NPAS3: variants seen among roughly 807,000 people sequenced by gnomAD.
NPAS3 encodes the protein neuronal PAS domain-containing protein 3.
Under a neutral mutation model 73.1 loss-of-function variants are expected in NPAS3, and 14 were observed. The observed-to-expected ratio is 0.19, with a 90% CI of 0.13 to 0.30. The LOEUF (loss-of-function observed/expected upper bound fraction) is 0.30. NPAS3 is among the 10% of genes least tolerant of loss of function. The probability of loss-of-function intolerance (pLI) is 1.00; values close to 1 mark genes in which losing one functional copy is unlikely to be tolerated. For synonymous variants in NPAS3, 620 were observed against 541.5 expected (o/e 1.14, Z -2.01); for missense variants, 1,096 against 1,250.0 (o/e 0.88, Z 1.86).
intron 2 of NPAS3, among the ~76,000 whole-genome samples, chr14:33,152,083 A>C (rs1256973396): frequency 1.3e-5 from 2 of 151,962 alleles, no homozygotes; most frequent in African/African-American, 4.8e-5. Context: ...TGGTTGTCAA[A>C]AGTGTGTATA....
chr14:32,976,329 C>G (rs2037675677), intron 1 of NPAS3, among the ~76,000 whole-genome samples: 1 of 152,064 alleles, frequency 6.6e-6, no homozygotes, highest in Admixed American at 6.6e-5. Flanking sequence ...GTGAATACTC[C>G]AGGTGGTTTG....
At chr14:33,121,040 G>A (rs544114924) in intron 2 of NPAS3, among the ~76,000 whole-genome samples, 5 of 152,034 alleles carry the variant, frequency 3.3e-5, no homozygotes, top group Non-Finnish European at 7.4e-5. Flanking sequence ...TACTCAGAAT[G>A]TTTGAATCCC....
At chr14:33,346,527 CAAAAAAAAAA>C (rs33926266) in intron 3 of NPAS3, among the ~76,000 whole-genome samples, 5 of 70,942 alleles carry the variant, frequency 7.0e-5, no homozygotes, top group African/African-American at 2.6e-4. Flanking sequence ...GACCCTGTCT[CAAAAAAAAAA>C]AAAAAAAAAA....
chr14:33,618,354 AGCTTGTTT>A (rs1211741530), intron 5 of NPAS3, among the ~76,000 whole-genome samples: 1 of 152,148 alleles, frequency 6.6e-6, no homozygotes, highest in Non-Finnish European at 1.5e-5. Flanking sequence ...GGGAGCCCTC[AGCTTGTTT>A]TCTTGTAACT....
In NPAS3 at chr14:33,160,797, G is replaced by T. The variant is rs544971492; in HGVS notation, c.141-54385G>T. Among the ~76,000 whole-genome samples, 322 of 151,260 alleles carry T rather than the reference G, an allele frequency of 2.1e-3. 4 individuals carry two copies. Among genetic ancestry groups the T allele is most frequent in the African/African-American group, 7.6e-3 (311 of 41,136 alleles). On this transcript the variant is annotated intron_variant, in intron 2 of 11. Coordinates refer to ENST00000356141, the Ensembl canonical transcript of NPAS3. ...TTGGGTGAAGTCAGCGCTCAGTTTTGATTTTATCTTTGAAGTTCCGCCATG... is the reference window on the plus strand; with the variant it reads ...TTGGGTGAAGTCAGCGCTCAGTTTTTATTTTATCTTTGAAGTTCCGCCATG...
At chr14:33,177,289 G>T (rs1268816293) in intron 2 of NPAS3, among the ~76,000 whole-genome samples, 1 of 151,692 alleles carries the variant, frequency 6.6e-6, no homozygotes, top group Non-Finnish European at 1.5e-5. Flanking sequence ...GTAGAGACAG[G>T]GTTTCGCCAT....
chr14:33,423,581 G>A (rs2048439598), intron 4 of NPAS3, among the ~76,000 whole-genome samples: 1 of 151,914 alleles, frequency 6.6e-6, no homozygotes, highest in Non-Finnish European at 1.5e-5. Context: ...CATGTTTTAA[G>A]AGAAATATTA....
chr14:33,384,997 G>C (rs191264273), intron 4 of NPAS3, among the ~76,000 whole-genome samples: 1 of 152,220 alleles, frequency 6.6e-6, no homozygotes, highest in Non-Finnish European at 1.5e-5. Flanking sequence ...GAAGGTTTTC[G>C]CTTTAGGAAA....
chr14:33,396,421 C>A (rs189501021), intron 4 of NPAS3, among the ~76,000 whole-genome samples: 2 of 152,146 alleles, frequency 1.3e-5, no homozygotes, highest in African/African-American at 4.8e-5. Flanking sequence ...ACCTTAAATA[C>A]TACAGCGTTC....
chr14:33,087,615 C>CA (rs2042081666), intron 2 of NPAS3, among the ~76,000 whole-genome samples: 1 of 151,970 alleles, frequency 6.6e-6, no homozygotes, highest in African/African-American at 2.4e-5. Flanking sequence ...GGCAGACTTA[C>CA]AAAAAAGTAG....
intron 3 of NPAS3, among the ~76,000 whole-genome samples, chr14:33,270,395 G>A (rs2041016951): frequency 1.3e-5 from 2 of 152,200 alleles, no homozygotes; most frequent in Admixed American, 1.3e-4. Flanking sequence ...GAAGAGGAAA[G>A]ATAAATTCCA....
intron 4 of NPAS3, among the ~76,000 whole-genome samples, chr14:33,505,990 C>T (rs557794298): frequency 3.3e-5 from 5 of 152,054 alleles, no homozygotes; most frequent in South Asian, 2.1e-4. Context: ...CATATCCACG[C>T]GTTCTTTCTT....
At chr14:33,747,103 A>G (rs1285071083) in intron 7 of NPAS3, among the ~76,000 whole-genome samples, 2 of 152,034 alleles carry the variant, frequency 1.3e-5, no homozygotes, top group Non-Finnish European at 2.9e-5. Context: ...TACCCAAATG[A>G]CTATAAATCA....
intron 3 of NPAS3, among the ~76,000 whole-genome samples, chr14:33,282,598 G>A (rs566148102): frequency 5.9e-5 from 9 of 152,298 alleles, no homozygotes; most frequent in Non-Finnish European, 7.3e-5. Flanking sequence ...AATCAGCCGG[G>A]CTGCTTCCAG....
chr14:33,404,710 G>A (rs913486913), intron 4 of NPAS3, among the ~76,000 whole-genome samples: 1 of 152,112 alleles, frequency 6.6e-6, no homozygotes, highest in African/African-American at 2.4e-5. Context: ...ATTTAACAGT[G>A]CCTGAAAAGA....
intron 4 of NPAS3, among the ~76,000 whole-genome samples, chr14:33,457,323 A>C (rs911273869): frequency 7.2e-5 from 11 of 152,240 alleles, no homozygotes; most frequent in Non-Finnish European, 8.8e-5. Flanking sequence ...TGTGCCAGAC[A>C]ACAGAATTGA....
chr14:33,082,310 AGT>A (rs2041885309), intron 2 of NPAS3, among the ~76,000 whole-genome samples: 2 of 152,220 alleles, frequency 1.3e-5, no homozygotes, highest in Admixed American at 1.3e-4. Flanking sequence ...ACACGGCTGG[AGT>A]TACCTTAAAA....
intron 2 of NPAS3, among the ~76,000 whole-genome samples, chr14:33,077,974 C>G (rs746094431): frequency 1.4e-4 from 21 of 151,504 alleles, no homozygotes; most frequent in Admixed American, 1.2e-3. Context: ...CCCGTCTCTA[C>G]TAAAAATACG....
intron 9 of NPAS3, among the ~76,000 whole-genome samples, chr14:33,793,483 A>G (rs926252659): frequency 6.6e-6 from 1 of 152,224 alleles, no homozygotes; most frequent in Non-Finnish European, 1.5e-5. Flanking sequence ...CTTTGGAACC[A>G]TTCAAATATC....
Sources: gnomAD v4.1 joint callset for allele counts (sites outside exome capture counted in the v4.1 genomes callset) on GRCh38, gnomAD v4.1.1 for gene constraint, MANE v1.5 for transcripts, NCBI Gene and HGNC (gene_info 2026-07-23, HGNC 2026-07-21) for gene names.